The following FERRY3 variants were observed in gnomAD, a reference collection of about 807,000 sequenced individuals.
FERRY3 encodes protein C12orf4.
At chr12:4,520,893 C>G in the FERRY3 span, among the ~76,000 whole-genome samples, 1 of 152,068 alleles carries the variant, frequency 6.6e-6, no homozygotes, top group African/African-American at 2.4e-5. Flanking sequence ...AGTGAATAAG[C>G]TAATAAATAA....
the FERRY3 span, among the ~76,000 whole-genome samples, chr12:4,521,517 A>C: frequency 6.6e-6 from 1 of 152,228 alleles, no homozygotes; most frequent in African/African-American, 2.4e-5. Context: ...AAAAACTATA[A>C]CCAACATGTT....
the FERRY3 span, chr12:4,508,915 C>T: frequency 6.5e-6 from 1 of 153,026 alleles, no homozygotes; most frequent in African/African-American, 2.4e-5. Flanking sequence ...GCCAAGATGG[C>T]CAAATAGGAA....
At chr12:4,500,405 T>C in the FERRY3 span, 1 of 1,424,972 alleles carries the variant, frequency 7.0e-7, no homozygotes. Flanking sequence ...TCAATGGGCT[T>C]TATAAGTAAG....
At chr12:4,502,413 C>T in the FERRY3 span, 1 of 454,188 alleles carries the variant, frequency 2.2e-6, no homozygotes, top group Non-Finnish European at 4.4e-6. The surrounding 1 kb of genome is among the most constrained non-coding windows in gnomAD (Gnocchi z 4.2). Context: ...ATGCTTCCTA[C>T]CATCACTCTT....
chr12:4,502,085 C>T, the FERRY3 span, among the ~76,000 whole-genome samples: 1 of 152,326 alleles, frequency 6.6e-6, no homozygotes, highest in African/African-American at 2.4e-5. This position sits in a 1 kb window ranked among gnomAD's most constrained non-coding sequence, Gnocchi z 4.2. Context: ...TTTCATCAAT[C>T]ACATCTCAGA....
chr12:4,533,918 T>C, the FERRY3 span: 1 of 330,358 alleles, frequency 3.0e-6, no homozygotes, highest in Non-Finnish European at 5.4e-6. Flanking sequence ...CTGGAGACCC[T>C]GTGCTGGTGA....
chr12:4,517,684 A>AATATATATATATATATATATATATATAT, the FERRY3 span, among the ~76,000 whole-genome samples: 3 of 140,562 alleles, frequency 2.1e-5, no homozygotes, highest in African/African-American at 7.9e-5. Context: ...AGGTTATTAA[A>AATATATATATATATATATATATATATAT]ATATATATAT....
the FERRY3 span, among the ~76,000 whole-genome samples, chr12:4,520,356 A>C: frequency 2.6e-5 from 4 of 152,206 alleles, no homozygotes; most frequent in African/African-American, 9.6e-5. Context: ...AAAGATGGAG[A>C]AGAGTTGAAC....
chr12:4,534,388 A>T, the FERRY3 span: 1 of 1,396,128 alleles, frequency 7.2e-7, no homozygotes, highest in Non-Finnish European at 9.5e-7. Flanking sequence ...TCCAATGTGA[A>T]ATCTTATTGT....
the FERRY3 span, among the ~76,000 whole-genome samples, chr12:4,512,190 G>A: frequency 7.2e-6 from 1 of 138,036 alleles, no homozygotes; most frequent in Admixed American, 7.2e-5. Flanking sequence ...ACTAAACCAG[G>A]AAGAAGTTGA....
chr12:4,534,741 A>G, the FERRY3 span, among the ~76,000 whole-genome samples: 1 of 152,202 alleles, frequency 6.6e-6, no homozygotes, highest in East Asian at 1.9e-4. Context: ...TCTTAATAGA[A>G]TCTCCAACTA....
chr12:4,532,033 T>G, the FERRY3 span, among the ~76,000 whole-genome samples: 1 of 151,640 alleles, frequency 6.6e-6, no homozygotes, highest in Non-Finnish European at 1.5e-5. Context: ...TTGTCCAACC[T>G]GTGGCACAGG....
At chr12:4,515,965 A>T in the FERRY3 span, among the ~76,000 whole-genome samples, 5 of 152,140 alleles carry the variant, frequency 3.3e-5, no homozygotes, top group Admixed American at 6.5e-5. Flanking sequence ...AAATTAAAAA[A>T]TTTTTTCCTG....
the FERRY3 span, among the ~76,000 whole-genome samples, chr12:4,506,700 TAAG>T: frequency 6.6e-6 from 1 of 152,162 alleles, no homozygotes; most frequent in Admixed American, 6.5e-5. Context: ...TTAGTAATAG[TAAG>T]AAGATGGCTA....
chr12:4,495,380 AT>A, the FERRY3 span, among the ~76,000 whole-genome samples: 1 of 152,196 alleles, frequency 6.6e-6, no homozygotes, highest in Non-Finnish European at 1.5e-5. Flanking sequence ...TGAAGCACTC[AT>A]TTTTAAATAT....
chr12:4,518,798 C>T, the FERRY3 span: 1 of 1,584,430 alleles, frequency 6.3e-7, no homozygotes, highest in Non-Finnish European at 8.6e-7. Flanking sequence ...AAACTTTCTT[C>T]TAACTTTCTC....
the FERRY3 span, among the ~76,000 whole-genome samples, chr12:4,511,427 C>A: frequency 6.6e-6 from 1 of 152,176 alleles, no homozygotes; most frequent in Non-Finnish European, 1.5e-5. Flanking sequence ...CCCAAATCAA[C>A]AGAATATACA....
At chr12:4,525,244 T>C in the FERRY3 span, 1 of 1,612,332 alleles carries the variant, frequency 6.2e-7, no homozygotes. Context: ...GAACAATACA[T>C]AGTTAATACC....
At chr12:4,501,604 G>A in the FERRY3 span, among the ~76,000 whole-genome samples, 2 of 152,136 alleles carry the variant, frequency 1.3e-5, no homozygotes, top group East Asian at 1.9e-4. Flanking sequence ...TCTAGGTTGC[G>A]TGCTCCTTAT....
Sources: allele counts gnomAD v4.1 joint callset (sites outside exome capture counted in the v4.1 genomes callset), GRCh38; gene constraint gnomAD v4.1.1; non-coding constraint Gnocchi (gnomAD v3.1); transcripts MANE v1.5; gene names NCBI Gene and HGNC (gene_info 2026-07-23, HGNC 2026-07-21).